ZFHX3: variants seen among roughly 807,000 people sequenced by gnomAD.
ZFHX3 encodes the protein zinc finger homeobox 3.
ZFHX3 carries 42 observed loss-of-function variants against 279.1 expected under a neutral mutation model. The ratio of observed to expected loss-of-function variants is 0.15; its 90% confidence interval spans 0.12 to 0.19. The LOEUF is 0.19. Ranked by LOEUF, ZFHX3 falls within the 10% of genes least tolerant of loss-of-function variation. ZFHX3 has a pLI of 1.00. For synonymous variants in ZFHX3, 2,293 were observed against 1,957.8 expected (o/e 1.17, Z -4.52); for missense variants, 4,981 against 4,754.0 (o/e 1.05, Z -1.40).
chr16:72,870,468 G>C (rs2038130891), intron 4 of ZFHX3, among the ~76,000 whole-genome samples: 2 of 152,126 alleles, frequency 1.3e-5, no homozygotes, highest in East Asian at 3.9e-4. Context: ...CCAGCACTTT[G>C]GGAGGCAGAG....
intron 1 of ZFHX3, among the ~76,000 whole-genome samples, chr16:72,975,058 G>C (rs988110016): frequency 1.3e-5 from 2 of 152,152 alleles, no homozygotes; most frequent in African/African-American, 4.8e-5. Context: ...ACTACCACCA[G>C]GACGCAAGGG....
chr16:72,994,687 C>T (rs1963215184), intron 1 of ZFHX3, among the ~76,000 whole-genome samples: 1 of 152,274 alleles, frequency 6.6e-6, no homozygotes, highest in Non-Finnish European at 1.5e-5. Flanking sequence ...ATCACTTAGG[C>T]TGCCTCCTAA....
At chr16:73,548,006 T>C (rs757455750) in intron 2 of ZFHX3, among the ~76,000 whole-genome samples, 6 of 152,226 alleles carry the variant, frequency 3.9e-5, no homozygotes, top group Non-Finnish European at 8.8e-5. Flanking sequence ...AACCCCATTT[T>C]GGTTGCTCTG....
At chr16:73,205,777 T>C (rs557354779) in intron 5 of ZFHX3, among the ~76,000 whole-genome samples, 109 of 152,292 alleles carry the variant, frequency 7.2e-4, no homozygotes, top group African/African-American at 2.6e-3. Flanking sequence ...AGAGATCATT[T>C]GGTGGAAATT....
At chr16:72,805,009 G>A (rs1312778050) in intron 7 of ZFHX3, among the ~76,000 whole-genome samples, 6 of 151,832 alleles carry the variant, frequency 4.0e-5, no homozygotes, top group African/African-American at 1.2e-4. Flanking sequence ...AGGGAGTTTC[G>A]CTCTGTTGCC....
intron 3 of ZFHX3, among the ~76,000 whole-genome samples, chr16:73,405,335 TA>T (rs1190017974): frequency 6.6e-6 from 1 of 152,236 alleles, no homozygotes; most frequent in Admixed American, 6.5e-5. Flanking sequence ...TACTACTTTC[TA>T]CGATCCTGGC....
intron 1 of ZFHX3, among the ~76,000 whole-genome samples, chr16:73,753,471 C>A (rs572265342): frequency 6.6e-6 from 1 of 152,162 alleles, no homozygotes; most frequent in African/African-American, 2.4e-5. Context: ...CCTAAATAAC[C>A]CTTCCCTCAA....
At chr16:72,807,619 A>G (rs1196143512) in intron 7 of ZFHX3, 1 of 152,236 alleles carries the variant, frequency 6.6e-6, no homozygotes, top group Non-Finnish European at 1.5e-5. Flanking sequence ...CGTTGTGTAG[A>G]AAGTAATCTG....
At chr16:73,625,261 G>T (rs1291443562) in intron 2 of ZFHX3, among the ~76,000 whole-genome samples, 1 of 152,148 alleles carries the variant, frequency 6.6e-6, no homozygotes, top group Non-Finnish European at 1.5e-5. Flanking sequence ...TAGTGAGCTG[G>T]TTATGTTTTC....
intron 4 of ZFHX3, among the ~76,000 whole-genome samples, chr16:72,876,986 T>G (rs2038331816): frequency 6.6e-6 from 1 of 152,224 alleles, no homozygotes; most frequent in South Asian, 2.1e-4. Flanking sequence ...AAAGAATCAC[T>G]ATTTCCCAAT....
At chr16:73,091,578 C>T (rs144696397) in intron 8 of ZFHX3, among the ~76,000 whole-genome samples, 2 of 152,346 alleles carry the variant, frequency 1.3e-5, no homozygotes, top group African/African-American at 2.4e-5. Flanking sequence ...TCAATCCCAT[C>T]TTTATCCTGT....
At chr16:73,569,562 G>A (rs2051713898) in intron 2 of ZFHX3, among the ~76,000 whole-genome samples, 1 of 151,770 alleles carries the variant, frequency 6.6e-6, no homozygotes, top group Non-Finnish European at 1.5e-5. Context: ...CAAGTGCCAA[G>A]GTCACAGGGA....
rs77665441 is a variant in ZFHX3, at chr16:72,880,006, A to C, written c.3448+9725T>G. Among the ~76,000 whole-genome samples, 1,291 of 152,220 alleles carry C rather than the reference A, an allele frequency of 8.5e-3. 23 individuals carry two copies. The highest frequency in any genetic ancestry group is 0.029 in the African/African-American group (1,224 of 41,538). ...TTTCCTGTCCTAACAAGTGTCTTTG[A>C]GCACTTCCGGCTTCATTTGGAGTCC... On this transcript the variant is annotated intron_variant, in intron 4 of 9. Coordinates refer to ENST00000268489, the MANE Select transcript of ZFHX3 (RefSeq NM_006885.4).
chr16:73,797,457 G>A (rs1168471893), intron 1 of ZFHX3, among the ~76,000 whole-genome samples: 1 of 152,218 alleles, frequency 6.6e-6, no homozygotes, highest in Non-Finnish European at 1.5e-5. Context: ...AACACAGGCT[G>A]CTGGTTAAAT....
intron 4 of ZFHX3, among the ~76,000 whole-genome samples, chr16:73,262,289 C>A (rs573308673): frequency 1.3e-5 from 2 of 152,172 alleles, no homozygotes; most frequent in Non-Finnish European, 2.9e-5. Context: ...ATTTAAGGAG[C>A]AGACTTAAGG....
intron 4 of ZFHX3, among the ~76,000 whole-genome samples, chr16:73,293,232 C>G (rs935384411): frequency 6.6e-6 from 1 of 152,118 alleles, no homozygotes; most frequent in Non-Finnish European, 1.5e-5. Context: ...AATACCTGGG[C>G]AATACCAGAG....
intron 1 of ZFHX3, among the ~76,000 whole-genome samples, chr16:73,859,484 G>A (rs1961826110): frequency 6.6e-6 from 1 of 152,146 alleles, no homozygotes; most frequent in South Asian, 2.1e-4. Flanking sequence ...TTAACTGGGT[G>A]TATGACCTTG....
At chr16:73,579,395 T>G (rs2051833808) in intron 2 of ZFHX3, among the ~76,000 whole-genome samples, 1 of 152,200 alleles carries the variant, frequency 6.6e-6, no homozygotes. Context: ...TTGGCAAAAT[T>G]AACTTTCTAA....
rs1960583162 is a variant in ZFHX3 at position 72,944,795 on chromosome 16, T to TCTA, written c.3216+5671_3216+5673dup. 2.6e-5 allele frequency among the ~76,000 whole-genome samples: 4 copies of TCTA among 152,050 alleles called. No homozygotes were observed. The South Asian group carries it at 8.3e-4, about 32-fold the overall frequency. ...GAAATAATTAAGAATACAATACTAT[T>TCTA]CTAAAAGGGTCTGGTCAGTTCTTTA... On this transcript the variant is annotated intron_variant, in intron 3 of 9. Coordinates refer to ENST00000268489, the MANE Select transcript of ZFHX3 (RefSeq NM_006885.4).
Sources: gnomAD v4.1 joint callset for allele counts (sites outside exome capture counted in the v4.1 genomes callset) on GRCh38, gnomAD v4.1.1 for gene constraint, MANE v1.5 for transcripts, NCBI Gene and HGNC (gene_info 2026-07-23, HGNC 2026-07-21) for gene names.